Variants in GRIA4 observed in about 807,000 individuals in gnomAD.
GRIA4 encodes the protein glutamate receptor 4.
Under a neutral mutation model 104.0 loss-of-function variants are expected in GRIA4, and 34 were observed. The observed-to-expected ratio is 0.33, with a 90% CI of 0.25 to 0.44. GRIA4 has a LOEUF of 0.44. GRIA4 is among the 20% of genes least tolerant of loss of function. The pLI, the probability that GRIA4 is intolerant of heterozygous loss-of-function variation, is 1.00. For synonymous variants in GRIA4, 386 were observed against 381.9 expected (o/e 1.01, Z -0.13); for missense variants, 750 against 1,096.5 (o/e 0.68, Z 4.46).
intron 3 of GRIA4, among the ~76,000 whole-genome samples, chr11:105,700,558 C>CT (rs1413660952): frequency 1.3e-5 from 2 of 152,146 alleles, no homozygotes; most frequent in Non-Finnish European, 2.9e-5. Context: ...TGCATTGCAT[C>CT]TTTTTTCTTT....
chr11:105,802,250 C>A (rs1942751777), intron 4 of GRIA4, among the ~76,000 whole-genome samples: 1 of 152,142 alleles, frequency 6.6e-6, no homozygotes, highest in African/African-American at 2.4e-5. Context: ...GCTGGTAGAA[C>A]ACCAAAAGCA....
intron 3 of GRIA4, among the ~76,000 whole-genome samples, chr11:105,653,119 G>A (rs1297336203): frequency 6.6e-6 from 1 of 152,166 alleles, no homozygotes; most frequent in Non-Finnish European, 1.5e-5. Flanking sequence ...CACCGTGCTA[G>A]CCAGGATGGT....
chr11:105,616,677 T>A lies in GRIA4; in HGVS notation c.247+4243T>A, dbSNP rs1278379469. ...TGGACTAATATAATAATCTTAAACA[T>A]GCTAAAGATAAAATTCTGATGATTT... is the stretch of plus-strand genomic sequence containing the variant. On this transcript the variant is annotated intron_variant, in intron 3 of 16. Transcript: ENST00000282499. Among the ~76,000 whole-genome samples, 3 of 151,736 alleles carry A rather than the reference T, an allele frequency of 2.0e-5. No homozygotes were observed. In the East Asian group the frequency reaches 5.8e-4, roughly 29 times the overall value.
At chr11:105,814,499 G>A (rs1040942808) in intron 4 of GRIA4, among the ~76,000 whole-genome samples, 2 of 152,114 alleles carry the variant, frequency 1.3e-5, no homozygotes, top group African/African-American at 2.4e-5. Context: ...TTTGTGTGTA[G>A]GCTTGAGCAA....
At chr11:105,950,199 A>T (rs892100631) in intron 14 of GRIA4, among the ~76,000 whole-genome samples, 1 of 152,224 alleles carries the variant, frequency 6.6e-6, no homozygotes, top group East Asian at 1.9e-4. Flanking sequence ...TCTGGGTAGC[A>T]GAGAATGGAT....
chr11:105,889,485 CTAGAG>C (rs1367351629), intron 6 of GRIA4, among the ~76,000 whole-genome samples: 1 of 152,122 alleles, frequency 6.6e-6, no homozygotes, highest in Non-Finnish European at 1.5e-5. Flanking sequence ...ACTTATAACA[CTAGAG>C]TAGTTTTTAT....
intron 3 of GRIA4, among the ~76,000 whole-genome samples, chr11:105,700,546 C>T (rs1953451458): frequency 6.6e-6 from 1 of 152,164 alleles, no homozygotes; most frequent in Non-Finnish European, 1.5e-5. Flanking sequence ...TCTATCTAAT[C>T]CTGCATTGCA....
At chr11:105,702,467 T>C (rs1291254605) in intron 3 of GRIA4, among the ~76,000 whole-genome samples, 1 of 151,582 alleles carries the variant, frequency 6.6e-6, no homozygotes, top group Non-Finnish European at 1.5e-5. Flanking sequence ...ATAATAGGCA[T>C]AATGAAAAAC....
At chr11:105,622,569 CTGAT>C (rs943551035) in intron 3 of GRIA4, among the ~76,000 whole-genome samples, 2 of 150,692 alleles carry the variant, frequency 1.3e-5, no homozygotes, top group African/African-American at 4.9e-5. Flanking sequence ...TTTCTTTCTT[CTGAT>C]TGTCACTCAC....
intron 3 of GRIA4, among the ~76,000 whole-genome samples, chr11:105,715,592 A>G (rs1954063835): frequency 6.6e-6 from 1 of 152,186 alleles, no homozygotes; most frequent in African/African-American, 2.4e-5. Flanking sequence ...GTTTTTAGAT[A>G]ATAGAATATA....
chr11:105,877,418 A>C (rs1414286289), intron 5 of GRIA4, among the ~76,000 whole-genome samples: 1 of 152,062 alleles, frequency 6.6e-6, no homozygotes, highest in Non-Finnish European at 1.5e-5. Flanking sequence ...GTATCTTTGT[A>C]GTGTTCTCTC....
At chr11:105,660,712 T>TG (rs1443500761) in intron 3 of GRIA4, among the ~76,000 whole-genome samples, 2 of 151,132 alleles carry the variant, frequency 1.3e-5, no homozygotes, top group Admixed American at 6.6e-5. Context: ...CAGATAGGGA[T>TG]GGGGGGAATC....
Position 105,979,695 on chromosome 11 carries a change from A to G in GRIA4, c.2665A>G (p.Arg889Gly), listed in dbSNP as rs1449011984. ...GGCTGTACACACTGGAACTGCAATC[A>G]GACAAAGTTCAGGATTGGCTGTCAT... ...PKAVHTGTAIRQSSGLAVIAS... is the reference protein window; with the variant it reads ...PKAVHTGTAIGQSSGLAVIAS... Residue 889 changes from arginine (R) to glycine (G), a missense_variant, in exon 17 of 17, where the codon AGA (arginine) becomes GGA (glycine). Transcript: ENST00000282499. 2.5e-6 allele frequency: 4 copies of G among 1,613,992 alleles called. No homozygotes were observed. The highest frequency in any genetic ancestry group is 3.4e-6 in the Non-Finnish European group (4 of 1,179,940).
At chr11:105,825,587 A>G (rs1943739936) in intron 4 of GRIA4, among the ~76,000 whole-genome samples, 1 of 152,072 alleles carries the variant, frequency 6.6e-6, no homozygotes, top group Non-Finnish European at 1.5e-5. Context: ...CAGTTTCAGC[A>G]AGAATACAGT....
chr11:105,908,000 A>G (rs78371100), intron 9 of GRIA4, among the ~76,000 whole-genome samples: 12,637 of 151,940 alleles, frequency 0.083, 585 homozygotes, highest in African/African-American at 0.1. Flanking sequence ...CCCACTGCCT[A>G]TAAGGGTTTA....
chr11:105,737,011 ATAGGGAAT>A (rs1302849403), intron 3 of GRIA4, among the ~76,000 whole-genome samples: 1 of 152,140 alleles, frequency 6.6e-6, no homozygotes, highest in African/African-American at 2.4e-5. Flanking sequence ...ATGGTTTAAT[ATAGGGAAT>A]TAAACAGCAT....
At chr11:105,762,977 C>T (rs182214560) in intron 4 of GRIA4, among the ~76,000 whole-genome samples, 3 of 152,200 alleles carry the variant, frequency 2.0e-5, no homozygotes, top group East Asian at 1.9e-4. Flanking sequence ...AAATCAATGA[C>T]GGAGATGAGA....
intron 4 of GRIA4, among the ~76,000 whole-genome samples, chr11:105,763,276 C>A (rs1370449612): frequency 6.6e-6 from 1 of 152,232 alleles, no homozygotes; most frequent in South Asian, 2.1e-4. Context: ...GATAAGAAGT[C>A]TGGTTTGATT....
chr11:105,804,652 ATAAAT>A (rs1942869146), intron 4 of GRIA4, among the ~76,000 whole-genome samples: 2 of 152,002 alleles, frequency 1.3e-5, no homozygotes, highest in African/African-American at 4.8e-5. Flanking sequence ...TATTATAAAA[ATAAAT>A]TTATTTTATA....
Sources: gnomAD v4.1 joint callset for allele counts (sites outside exome capture counted in the v4.1 genomes callset) on GRCh38, gnomAD v4.1.1 for gene constraint, MANE v1.5 for transcripts, NCBI Gene and HGNC (gene_info 2026-07-23, HGNC 2026-07-21) for gene names.